Variants in PCDH15 observed in about 807,000 individuals in gnomAD.
The protein encoded by PCDH15 is protocadherin related 15, also known as protocadherin-15.
A neutral mutation model predicts 178.5 loss-of-function variants in PCDH15; 129 were observed. That is an observed-to-expected ratio of 0.72 (90% CI 0.63 to 0.84). The LOEUF is 0.84. Ranked by LOEUF, PCDH15 falls within the 40% of genes least tolerant of loss-of-function variation. The probability of loss-of-function intolerance (pLI) is 0.00; values close to 1 mark genes in which losing one functional copy is unlikely to be tolerated. For synonymous variants in PCDH15, 800 were observed against 732.0 expected, an observed-to-expected ratio of 1.09 and a Z score of -1.50; for missense variants, 2,230 against 2,099.9, an observed-to-expected ratio of 1.06 and a Z score of -1.21.
chr10:54,565,534 G>C (rs531608829), intron 2 of PCDH15, among the ~76,000 whole-genome samples: 1 of 152,052 alleles, frequency 6.6e-6, no homozygotes, highest in African/African-American at 2.4e-5. Flanking sequence ...GGCTGCCTAG[G>C]GTATTTCTGA....
At chr10:55,379,947 CT>C (rs1177841565) in intron 2 of PCDH15, among the ~76,000 whole-genome samples, 4 of 151,972 alleles carry the variant, frequency 2.6e-5, no homozygotes, top group Non-Finnish European at 5.9e-5. Flanking sequence ...TATAGTAATA[CT>C]AACCAAAGAA....
At chr10:54,951,487 A>G (rs939998511) in intron 2 of PCDH15, among the ~76,000 whole-genome samples, 2 of 151,938 alleles carry the variant, frequency 1.3e-5, no homozygotes, top group Non-Finnish European at 1.5e-5. Flanking sequence ...GATTGCTTCT[A>G]CATTTTGACA....
intron 23 of PCDH15, among the ~76,000 whole-genome samples, chr10:53,946,750 C>T (rs891345118): frequency 1.3e-5 from 2 of 152,106 alleles, no homozygotes; most frequent in Non-Finnish European, 2.9e-5. Flanking sequence ...ACAATATAAC[C>T]TCATGAAGAT....
intron 35 of PCDH15, among the ~76,000 whole-genome samples, chr10:53,813,655 C>T (rs1031636760): frequency 4.6e-5 from 7 of 152,130 alleles, no homozygotes; most frequent in Admixed American, 2.0e-4. Flanking sequence ...ACACATTATT[C>T]GTAACAGTCC....
rs559712276 is a variant in PCDH15, at chr10:55,343,557, G to T, written c.-155-176906C>A. Among the ~76,000 whole-genome samples, 3 of 151,526 alleles carry T rather than the reference G, an allele frequency of 2.0e-5. No individual in the cohort carries two copies. The East Asian group carries it at 5.8e-4, about 29-fold the overall frequency. On this transcript the variant is annotated intron_variant, in intron 2 of 5. Transcript: ENST00000613346. The stretch of plus-strand genomic sequence containing the variant: ...CTTCCTTTTCCCCCCCAATATAACT[G>T]GCAAGATTCCTGTAGTTAACAATTC...
At chr10:54,641,123 A>T (rs2093977372) in intron 2 of PCDH15, 1 of 242,120 alleles carries the variant, frequency 4.1e-6, no homozygotes, top group African/African-American at 2.4e-5. Context: ...ATATAATAAA[A>T]ATTAAAATTT....
At chr10:54,930,231 TC>T (rs1837737568) in intron 2 of PCDH15, among the ~76,000 whole-genome samples, 1 of 152,186 alleles carries the variant, frequency 6.6e-6, no homozygotes, top group Admixed American at 6.5e-5. Context: ...GTTGCAAGGT[TC>T]TTCACTCACT....
At chr10:55,530,845 G>A (rs1841436343) in intron 2 of PCDH15, among the ~76,000 whole-genome samples, 1 of 151,912 alleles carries the variant, frequency 6.6e-6, no homozygotes, top group South Asian at 2.1e-4. Flanking sequence ...ACATAAAATT[G>A]TTGTAGGTCT....
intron 2 of PCDH15, among the ~76,000 whole-genome samples, chr10:54,974,698 A>T (rs1839023183): frequency 6.6e-6 from 1 of 152,100 alleles, no homozygotes; most frequent in African/African-American, 2.4e-5. Flanking sequence ...GAGTTGTAAA[A>T]GGTTGAATAA....
chr10:55,275,727 G>C (rs1162300893), intron 1 of PCDH15, among the ~76,000 whole-genome samples: 2 of 145,412 alleles, frequency 1.4e-5, no homozygotes, highest in East Asian at 4.0e-4. Flanking sequence ...TTCCTGTAGA[G>C]TATTTGTTTC....
Position 53,866,844 on chromosome 10 carries a change from T to A in PCDH15, c.3515A>T (p.Asp1172Val). 1 of 1,607,830 alleles carries A rather than the reference T, an allele frequency of 6.2e-7. No individual in the cohort carries two copies. Residue 1172 changes from aspartate to valine, a missense_variant, in exon 27 of 38, where the codon GAT becomes GTT. Coordinates refer to ENST00000644397, the MANE Select transcript of PCDH15 (RefSeq NM_001384140.1). ...GGCCATGACACTATAATTGCCAGTA[T>A]CTTTATCAGTAGCCTAGACGGAGGG... Reference protein sequence around the residue: ...SVLRVKATDKDTGNYSVMAYR... With the variant: ...SVLRVKATDKVTGNYSVMAYR...
chr10:54,056,718 T>G (rs2093897121), intron 18 of PCDH15, among the ~76,000 whole-genome samples: 1 of 152,176 alleles, frequency 6.6e-6, no homozygotes, highest in South Asian at 2.1e-4. Flanking sequence ...CAATCATGCC[T>G]TCCAAAAGCC....
intron 2 of PCDH15, among the ~76,000 whole-genome samples, chr10:55,137,203 A>G (rs73259841): frequency 0.16 from 23,783 of 152,078 alleles, 2,925 homozygotes; most frequent in African/African-American, 0.35. Flanking sequence ...ATGATATTTC[A>G]GTCAACAACA....
At chr10:55,214,108 G>A (rs552577375) in intron 1 of PCDH15, among the ~76,000 whole-genome samples, 48 of 151,952 alleles carry the variant, frequency 3.2e-4, no homozygotes, top group South Asian at 4.1e-4. Flanking sequence ...TGTGTTCAAA[G>A]AACATATTCT....
intron 2 of PCDH15, among the ~76,000 whole-genome samples, chr10:55,401,619 TG>T (rs1187319235): frequency 2.6e-5 from 4 of 151,240 alleles, no homozygotes; most frequent in Non-Finnish European, 5.9e-5. Context: ...TGTGTGTGTG[TG>T]TGTGTGTGTG....
intron 1 of PCDH15, among the ~76,000 whole-genome samples, chr10:55,252,042 G>A (rs769662721): frequency 1.7e-4 from 26 of 152,166 alleles, no homozygotes; most frequent in Non-Finnish European, 3.5e-4. Flanking sequence ...ATGAGGAAGT[G>A]CTCAAACAAT....
At chr10:55,372,047 A>G (rs1229314700) in intron 2 of PCDH15, among the ~76,000 whole-genome samples, 1 of 152,202 alleles carries the variant, frequency 6.6e-6, no homozygotes, top group Non-Finnish European at 1.5e-5. Flanking sequence ...ATTTTAAAGA[A>G]GAATAATTTG....
intron 2 of PCDH15, among the ~76,000 whole-genome samples, chr10:55,088,449 T>G (rs1842232546): frequency 1.3e-5 from 2 of 152,130 alleles, no homozygotes; most frequent in Non-Finnish European, 2.9e-5. Flanking sequence ...TTTTGTATTT[T>G]TTTTAGTAAA....
At chr10:53,822,091 G>T in intron 32 of PCDH15, 1 of 1,614,008 alleles carries the variant, frequency 6.2e-7, no homozygotes, top group Non-Finnish European at 8.5e-7. Context: ...ATGCCTTTTG[G>T]TTCTCTCTGA....
Sources: allele counts gnomAD v4.1 joint callset (sites outside exome capture counted in the v4.1 genomes callset), GRCh38; gene constraint gnomAD v4.1.1; transcripts MANE v1.5; gene names NCBI Gene and HGNC (gene_info 2026-07-23, HGNC 2026-07-21).